The following SLC4A4 variants were observed in gnomAD, a reference collection of about 807,000 sequenced individuals.
The protein encoded by SLC4A4 is solute carrier family 4 member 4, also known as electrogenic sodium bicarbonate cotransporter 1.
Under a neutral mutation model 111.5 loss-of-function variants are expected in SLC4A4, and 27 were observed. The observed-to-expected ratio is 0.24, with a 90% CI of 0.18 to 0.33. The LOEUF (loss-of-function observed/expected upper bound fraction) is 0.33, where lower values mean the gene tolerates loss of function less well. Among genes scored for constraint, SLC4A4 ranks in the 10% least tolerant of loss-of-function variants. SLC4A4 has a pLI of 1.00. For missense variants in SLC4A4, 909 were observed against 1,315.5 expected, an observed-to-expected ratio of 0.69 and a Z score of 4.78; for synonymous variants, 443 against 463.4, an observed-to-expected ratio of 0.96 and a Z score of 0.57.
At chr4:71,459,391 C>A (rs546613510) in intron 12 of SLC4A4, among the ~76,000 whole-genome samples, 11 of 152,020 alleles carry the variant, frequency 7.2e-5, no homozygotes, top group African/African-American at 2.6e-4. Flanking sequence ...CAGAATTGAT[C>A]ATTATTAACA....
intron 3 of SLC4A4, among the ~76,000 whole-genome samples, chr4:71,332,080 C>G (rs1450626974): frequency 3.3e-5 from 5 of 152,188 alleles, no homozygotes; most frequent in African/African-American, 1.2e-4. Flanking sequence ...TTCTCTTAGG[C>G]TAAAGGTTTG....
intron 7 of SLC4A4, among the ~76,000 whole-genome samples, chr4:71,399,349 T>A (rs956359327): frequency 1.3e-5 from 2 of 152,100 alleles, no homozygotes; most frequent in African/African-American, 4.8e-5. Flanking sequence ...CTGACAGCAC[T>A]TGTAGTAGTC....
At chr4:71,356,382 G>A (rs998704097) in intron 5 of SLC4A4, among the ~76,000 whole-genome samples, 4 of 152,056 alleles carry the variant, frequency 2.6e-5, no homozygotes, top group African/African-American at 9.7e-5. Flanking sequence ...ATGCCCAATG[G>A]AAATATACTG....
intron 3 of SLC4A4, among the ~76,000 whole-genome samples, chr4:71,262,049 G>A (rs772391129): frequency 1.3e-5 from 2 of 152,140 alleles, no homozygotes; most frequent in Non-Finnish European, 2.9e-5. Context: ...CCACCTAAGC[G>A]GAAGGCAGGT....
rs151205484 is a variant in SLC4A4 at position 71,283,618 on chromosome 4, T to G, written c.253+28219T>G. Among the ~76,000 whole-genome samples, 6 of 152,314 alleles carry G rather than the reference T, an allele frequency of 3.9e-5. No individual in the cohort carries two copies. The East Asian group carries it at 1.2e-3, about 29-fold the overall frequency. On this transcript the variant is annotated intron_variant, in intron 3 of 25. Transcript: ENST00000264485. ...TTTTTGAGTCAACATTATTTCTATA[T>G]CTCCACTTTCTTTCCTTAAGAGTAA...
chr4:71,287,802 C>T (rs1724035736), intron 3 of SLC4A4, among the ~76,000 whole-genome samples: 1 of 152,024 alleles, frequency 6.6e-6, no homozygotes, highest in Non-Finnish European at 1.5e-5. Context: ...TTCATTTTCC[C>T]CTGAAGCTGA....
chr4:71,222,616 A>G (rs16846044), intron 1 of SLC4A4, among the ~76,000 whole-genome samples: 22,909 of 152,258 alleles, frequency 0.15, 2,031 homozygotes, highest in East Asian at 0.35. Context: ...GGAAAATTAG[A>G]TCACAAGTGT....
chr4:71,565,363 G>A (rs1042398932), intron 24 of SLC4A4, among the ~76,000 whole-genome samples: 1 of 151,702 alleles, frequency 6.6e-6, no homozygotes, highest in Non-Finnish European at 1.5e-5. Context: ...TCTTTTTTCT[G>A]TAACTGCTTC....
At chr4:71,345,569 T>C (rs750432219) in intron 4 of SLC4A4, among the ~76,000 whole-genome samples, 3 of 152,118 alleles carry the variant, frequency 2.0e-5, no homozygotes, top group Non-Finnish European at 2.9e-5. Context: ...TACTTCCAAC[T>C]GGACACCACA....
intron 3 of SLC4A4, among the ~76,000 whole-genome samples, chr4:71,264,243 A>G (rs1206282253): frequency 1.3e-5 from 2 of 152,138 alleles, no homozygotes; most frequent in African/African-American, 2.4e-5. Context: ...TTCTTTTGCT[A>G]TTTGCCAATT....
intron 24 of SLC4A4, among the ~76,000 whole-genome samples, chr4:71,565,747 T>G (rs1381991531): frequency 6.6e-6 from 1 of 151,822 alleles, no homozygotes; most frequent in African/African-American, 2.4e-5. Context: ...CAAACATTCT[T>G]GACAGCATAG....
At position 71,451,179 on chromosome 4, in the gene SLC4A4, C is replaced by G. The variant is rs1197162134; in HGVS notation, c.1209-9C>G. On this transcript the variant is annotated splice_polypyrimidine_tract_variant and intron_variant, in intron 10 of 25. Coordinates refer to ENST00000264485, the MANE Select transcript of SLC4A4 (RefSeq NM_001098484.3). ...CTAATATACTCTTGGGCTCTGTTGT[C>G]TTGCTTAGAAAGAATATGTACTCAG... is the stretch of plus-strand genomic sequence containing the variant. 6.5e-7 allele frequency: 1 copy of G among 1,544,040 alleles called. No homozygotes were observed. Among genetic ancestry groups the G allele is most frequent in the East Asian group, 2.2e-5 (1 of 44,514 alleles).
chr4:71,439,207 T>TCC (rs1465973727), intron 7 of SLC4A4, among the ~76,000 whole-genome samples: 3 of 151,222 alleles, frequency 2.0e-5, no homozygotes, highest in Non-Finnish European at 2.9e-5. Flanking sequence ...GGCGGGTGGA[T>TCC]CCCGAGGTCA....
Position 71,350,011 on chromosome 4 carries a change from A to G in SLC4A4, c.489A>G (p.Thr163=). The change falls in exon 5 of 26, where the codon ACA becomes ACG. Residue 163 remains threonine, a synonymous_variant. Transcript: ENST00000264485. The stretch of plus-strand genomic sequence containing the variant: ...TTCATAGTTTATTTGAGCTGAGGAC[A>G]TGTATGGAGAAAGGATCCATCATGC... ...LSLHSLFELR[T]CMEKGSIMLD... is the part of the protein sequence containing the mutation. 6.2e-7 allele frequency: 1 copy of G among 1,614,146 alleles called. No homozygotes were observed. Among genetic ancestry groups the G allele is most frequent in the African/African-American group, 1.3e-5 (1 of 75,056 alleles).
At chr4:71,230,477 G>C (rs1719344032) in intron 1 of SLC4A4, among the ~76,000 whole-genome samples, 1 of 152,232 alleles carries the variant, frequency 6.6e-6, no homozygotes, top group Non-Finnish European at 1.5e-5. Flanking sequence ...CTATGCACCA[G>C]AAAGCTGTGT....
At chr4:71,296,266 C>T (rs1220263732) in intron 3 of SLC4A4, among the ~76,000 whole-genome samples, 10 of 151,990 alleles carry the variant, frequency 6.6e-5, no homozygotes. Context: ...AAACATTTGC[C>T]CTGAGCCTAC....
At chr4:71,372,550 C>G (rs192618844) in intron 6 of SLC4A4, among the ~76,000 whole-genome samples, 61 of 152,358 alleles carry the variant, frequency 4.0e-4, no homozygotes, top group Admixed American at 2.2e-3. Flanking sequence ...CCAGCATCAT[C>G]TGAGCCCTTA....
chr4:71,259,395 T>C (rs1721688118), intron 3 of SLC4A4, among the ~76,000 whole-genome samples: 1 of 152,188 alleles, frequency 6.6e-6, no homozygotes, highest in Non-Finnish European at 1.5e-5. Flanking sequence ...CCAAGTCCTT[T>C]CACAGCTGCT....
intron 3 of SLC4A4, among the ~76,000 whole-genome samples, chr4:71,323,260 C>CCA (rs1727256449): frequency 6.6e-6 from 1 of 151,924 alleles, no homozygotes; most frequent in Admixed American, 6.6e-5. Flanking sequence ...AGTAATTCTT[C>CCA]CACTTAAGGA....
Sources: gnomAD v4.1 joint callset for allele counts (sites outside exome capture counted in the v4.1 genomes callset) on GRCh38, gnomAD v4.1.1 for gene constraint, MANE v1.5 for transcripts, NCBI Gene and HGNC (gene_info 2026-07-23, HGNC 2026-07-21) for gene names.